The following PCDH17 variants were observed in gnomAD, a reference collection of about 807,000 sequenced individuals.
PCDH17 encodes the protein protocadherin 17, also known as protocadherin-17.
In PCDH17, 21 loss-of-function variants were observed where a neutral mutation model predicts 67.7. That is an observed-to-expected ratio of 0.31 (90% CI 0.22 to 0.45). The LOEUF is 0.45. PCDH17 is among the 20% of genes least tolerant of loss of function. PCDH17 has a pLI of 1.00. For synonymous variants in PCDH17, 701 were observed against 656.7 expected (o/e 1.07, Z -1.03); for missense variants, 1,471 against 1,564.8 (o/e 0.94, Z 1.01).
intron 1 of PCDH17, among the ~76,000 whole-genome samples, chr13:57,645,117 AATAAAGATTTAATTGATCT>A (rs1441133290): frequency 1.4e-5 from 2 of 146,372 alleles, no homozygotes; most frequent in Non-Finnish European, 3.1e-5. Flanking sequence ...CTCTTTTCTT[AATAAAGATTTAATTGATCT>A]ACACACAAAC....
At chr13:57,718,871 G>T (rs2138099239) in intron 3 of PCDH17, among the ~76,000 whole-genome samples, 1 of 152,072 alleles carries the variant, frequency 6.6e-6, no homozygotes, top group Admixed American at 6.6e-5. Context: ...AAAGAAAAAG[G>T]CCATAAAATC....
intron 1 of PCDH17, among the ~76,000 whole-genome samples, chr13:57,641,567 AAAAAAAAAAAAAAAAAAAAAATATATAT>A (rs1307896532): frequency 1.2e-4 from 2 of 16,152 alleles, no homozygotes; most frequent in African/African-American, 8.6e-4. Context: ...AGAAAAAAAA[AAAAAAAAAAAAAAAAAAAAAATATATAT>A]ATATATATAT....
rs887226284 is a variant in PCDH17, at chr13:57,631,930, G to T, written c.-617G>T. On this transcript the variant is annotated 5_prime_UTR_variant, in exon 1 of 4. Coordinates refer to ENST00000377918, the MANE Select transcript of PCDH17 (RefSeq NM_001040429.3). ...GCAGCAAGCAGACATTTCACGGTGC[G>T]CTGGGGAAGCTTCAAAATATATCTG... 1 of 152,462 alleles carries T rather than the reference G, an allele frequency of 6.6e-6. No homozygotes were observed. The highest frequency in any genetic ancestry group is 1.5e-5 in the Non-Finnish European group (1 of 68,334). The allele number at this position is 152,462 out of a possible 1,614,324, so 9.4% of individuals were successfully genotyped here.
intron 3 of PCDH17, among the ~76,000 whole-genome samples, chr13:57,680,652 G>A (rs747473440): frequency 2.0e-5 from 3 of 151,538 alleles, no homozygotes; most frequent in East Asian, 1.9e-4. Context: ...CAAACAACTT[G>A]ATGGCCAAGC....
intron 3 of PCDH17, among the ~76,000 whole-genome samples, chr13:57,695,594 T>A (rs951430340): frequency 1.3e-5 from 2 of 151,272 alleles, no homozygotes; most frequent in Non-Finnish European, 3.0e-5. Context: ...AATCAACCAA[T>A]TTTTAACATA....
rs1955921423 is a variant in PCDH17 at position 57,727,132 on chromosome 13, A to G, written c.*1838A>G. On this transcript the variant is annotated 3_prime_UTR_variant, in exon 4 of 4. Transcript: ENST00000377918. ...AATTAGCACTTGCAGAAGTAGCAGC[A>G]GATGGGAAAATGCCTTGATTGACAT... 1 of 152,638 alleles carries G rather than the reference A, an allele frequency of 6.6e-6. No individual in the cohort carries two copies. Among genetic ancestry groups the G allele is most frequent in the Non-Finnish European group, 1.5e-5 (1 of 68,032 alleles). 9.5% of individuals were successfully genotyped at this position (152,638 alleles called of 1,614,324 possible).
chr13:57,705,793 A>C (rs1170850918), intron 3 of PCDH17, among the ~76,000 whole-genome samples: 2 of 152,114 alleles, frequency 1.3e-5, no homozygotes, highest in Admixed American at 1.3e-4. Flanking sequence ...AGGCGGGTGG[A>C]TCACCTGAGG....
chr13:57,699,793 A>T (rs1269375485), intron 3 of PCDH17, among the ~76,000 whole-genome samples: 1 of 152,094 alleles, frequency 6.6e-6, no homozygotes, highest in South Asian at 2.1e-4. Flanking sequence ...GTCAATAAAT[A>T]TACAACTATT....
chr13:57,632,651 C>T lies in PCDH17; in HGVS notation c.105C>T (p.Ile35=), dbSNP rs1289413905. ...AGGAGCAAGGGGCCGGCACGGTGAT[C>T]GGGAACATCGGCAGGGATGCTCGAC... The part of the protein sequence containing the change: ...VPEEQGAGTV[I]GNIGRDARLQ... The change falls in exon 1 of 4, where the codon ATC becomes ATT. Residue 35 remains isoleucine, a synonymous_variant. Transcript: ENST00000377918. The T allele has an allele frequency of 1.2e-6, 2 of 1,612,882 alleles. No individual in the cohort carries two copies. Among genetic ancestry groups the T allele is most frequent in the Admixed American group, 1.7e-5 (1 of 60,030 alleles).
At chr13:57,646,854 A>G (rs963094704) in intron 1 of PCDH17, among the ~76,000 whole-genome samples, 3 of 151,758 alleles carry the variant, frequency 2.0e-5, no homozygotes, top group Non-Finnish European at 3.0e-5. Flanking sequence ...TCACCCTGAA[A>G]TATTTGGCAT....
intron 3 of PCDH17, among the ~76,000 whole-genome samples, chr13:57,717,185 T>C (rs1196493347): frequency 6.6e-6 from 1 of 151,964 alleles, no homozygotes; most frequent in East Asian, 1.9e-4. Context: ...AGGTGATGGC[T>C]GTGCCTACAG....
intron 1 of PCDH17, among the ~76,000 whole-genome samples, chr13:57,656,661 G>A (rs1308779275): frequency 6.6e-6 from 1 of 152,156 alleles, no homozygotes; most frequent in Non-Finnish European, 1.5e-5. Context: ...AGCACGGGAG[G>A]AAGAAAGCAG....
At chr13:57,653,120 T>A (rs1955061944) in intron 1 of PCDH17, among the ~76,000 whole-genome samples, 1 of 152,184 alleles carries the variant, frequency 6.6e-6, no homozygotes, top group African/African-American at 2.4e-5. Context: ...AGGATTCTCA[T>A]GGATTTAATC....
Position 57,633,077 on chromosome 13 carries a change from C to A in PCDH17, c.531C>A (p.Gly177=). ...RTYLLTRDDH[G]LFGLDVKSRG... is the part of the protein sequence containing the mutation. ...ACCTGCTCACGCGCGACGATCACGG[C>A]CTCTTTGGACTGGACGTTAAGTCCC... The change falls in exon 1 of 4, where the codon GGC becomes GGA. Residue 177 remains glycine, a synonymous_variant. Coordinates refer to ENST00000377918, the MANE Select transcript of PCDH17 (RefSeq NM_001040429.3). The surrounding 1 kb of genome is among the most constrained non-coding windows in gnomAD (Gnocchi z 6.2). The A allele has an allele frequency of 1.2e-6, 2 of 1,613,416 alleles. No individual in the cohort carries two copies. Among genetic ancestry groups the A allele is most frequent in the Non-Finnish European group, 1.7e-6 (2 of 1,179,982 alleles).
intron 1 of PCDH17, among the ~76,000 whole-genome samples, chr13:57,636,068 T>C (rs1208469247): frequency 6.6e-6 from 1 of 152,214 alleles, no homozygotes; most frequent in Non-Finnish European, 1.5e-5. Flanking sequence ...TTCAAAGTTA[T>C]TGATAATACC....
intron 3 of PCDH17, among the ~76,000 whole-genome samples, chr13:57,700,259 C>T (rs1343448498): frequency 6.6e-6 from 1 of 151,804 alleles, no homozygotes; most frequent in Admixed American, 6.6e-5. Context: ...TTTTATGATA[C>T]CTAACATTCC....
intron 3 of PCDH17, among the ~76,000 whole-genome samples, chr13:57,682,063 C>A (rs1314283012): frequency 2.0e-5 from 3 of 151,790 alleles, no homozygotes; most frequent in Admixed American, 1.3e-4. Flanking sequence ...CAACAAAAAA[C>A]CCCACATACT....
chr13:57,642,768 C>T (rs968097346), intron 1 of PCDH17, among the ~76,000 whole-genome samples: 2 of 151,318 alleles, frequency 1.3e-5, no homozygotes, highest in African/African-American at 4.8e-5. Flanking sequence ...ATTTGAAATT[C>T]CAATAATTTG....
intron 1 of PCDH17, among the ~76,000 whole-genome samples, chr13:57,636,171 A>G (rs1301024457): frequency 3.3e-5 from 5 of 152,122 alleles, no homozygotes; most frequent in African/African-American, 1.2e-4. Context: ...TCTTTTACCT[A>G]CTATTGAGTT....
Sources: gnomAD v4.1 joint callset for allele counts (sites outside exome capture counted in the v4.1 genomes callset) on GRCh38, gnomAD v4.1.1 for gene constraint, Gnocchi (gnomAD v3.1) non-coding constraint, MANE v1.5 for transcripts, NCBI Gene and HGNC (gene_info 2026-07-23, HGNC 2026-07-21) for gene names.